DNAH9: variants seen among roughly 807,000 people sequenced by gnomAD.
The protein encoded by DNAH9 is dynein axonemal heavy chain 9.
Under a neutral mutation model 471.6 loss-of-function variants are expected in DNAH9, and 345 were observed. The observed-to-expected ratio is 0.73, with a 90% CI of 0.67 to 0.80. The LOEUF (loss-of-function observed/expected upper bound fraction) is 0.80. Ranked by LOEUF, DNAH9 falls within the 30% of genes least tolerant of loss-of-function variation. The probability of loss-of-function intolerance (pLI) is 0.00; values close to 1 mark genes in which losing one functional copy is unlikely to be tolerated. For synonymous variants in DNAH9, 2,093 were observed against 2,123.6 expected (o/e 0.99, Z 0.40); for missense variants, 5,407 against 5,609.2 (o/e 0.96, Z 1.15).
At chr17:11,865,270 C>T (rs901366458) in intron 50 of DNAH9, among the ~76,000 whole-genome samples, 7 of 152,064 alleles carry the variant, frequency 4.6e-5, no homozygotes, top group African/African-American at 1.7e-4. Context: ...ATTTCTCCTT[C>T]ACTTATGAAG....
At chr17:11,836,849 CT>C (rs1970864995) in intron 49 of DNAH9, among the ~76,000 whole-genome samples, 1 of 152,204 alleles carries the variant, frequency 6.6e-6, no homozygotes, top group Non-Finnish European at 1.5e-5. Context: ...TTCATAAGTT[CT>C]TTTCATACAG....
chr17:11,623,933 G>C lies in DNAH9; in HGVS notation c.1350+4152G>C, dbSNP rs1018588388. ...TTTTTGCACAAGAGAATTTTGTTGT[G>C]CACATCCACTCTTCCTCTCTGGGTG... On this transcript the variant is annotated intron_variant, in intron 6 of 68. Coordinates refer to ENST00000262442, the MANE Select transcript of DNAH9 (RefSeq NM_001372.4). The surrounding 1 kb of genome is among the most constrained non-coding windows in gnomAD (Gnocchi z 4.1). Among the ~76,000 whole-genome samples the C allele has an allele frequency of 6.6e-6, 1 of 152,058 alleles. No individual in the cohort carries two copies. The highest frequency in any genetic ancestry group is 1.5e-5 in the Non-Finnish European group (1 of 68,016).
intron 57 of DNAH9, among the ~76,000 whole-genome samples, chr17:11,888,608 G>A (rs1972955486): frequency 6.6e-6 from 1 of 152,180 alleles, no homozygotes; most frequent in Non-Finnish European, 1.5e-5. Flanking sequence ...AGGGGAGATG[G>A]AGTTTGGGTC....
At chr17:11,956,675 C>T (rs913616512) in intron 67 of DNAH9, among the ~76,000 whole-genome samples, 3 of 151,814 alleles carry the variant, frequency 2.0e-5, no homozygotes, top group African/African-American at 7.3e-5. Flanking sequence ...TATCAGAAAA[C>T]CCACAAGTAT....
chr17:11,830,864 T>C (rs1340279173), intron 48 of DNAH9, among the ~76,000 whole-genome samples: 6 of 152,166 alleles, frequency 3.9e-5, no homozygotes, highest in Non-Finnish European at 8.8e-5. Flanking sequence ...ACTTGGATAC[T>C]CTCGTTGGCC....
chr17:11,654,708 C>T (rs1420303497), intron 14 of DNAH9, among the ~76,000 whole-genome samples: 1 of 151,940 alleles, frequency 6.6e-6, no homozygotes, highest in South Asian at 2.1e-4. Context: ...CTAGTATCTA[C>T]TATACACTAC....
intron 50 of DNAH9, among the ~76,000 whole-genome samples, chr17:11,860,840 GGTGAGCCACT>G (rs1567855548): frequency 6.6e-6 from 1 of 151,908 alleles, no homozygotes; most frequent in African/African-American, 2.4e-5. Context: ...GGATTACAGG[GGTGAGCCACT>G]GCGCCCTGCC....
intron 44 of DNAH9, 63 bp downstream of exon 44, chr17:11,807,957 C>T: frequency 6.6e-7 from 1 of 1,522,830 alleles, no homozygotes; most frequent in Non-Finnish European, 8.9e-7. Flanking sequence ...ACAGTTCCAT[C>T]ATCCTTCACT....
At chr17:11,918,123 GC>G (rs1974013764) in intron 61 of DNAH9, among the ~76,000 whole-genome samples, 1 of 152,192 alleles carries the variant, frequency 6.6e-6, no homozygotes, top group African/African-American at 2.4e-5. Flanking sequence ...TGTCTTTGCA[GC>G]CAGATTCTCG....
In DNAH9 at chr17:11,647,239, A is replaced by G. The variant is rs115232585; in HGVS notation, c.2097+41A>G. On this transcript the variant is annotated intron_variant, in intron 12 of 68. Coordinates refer to ENST00000262442, the MANE Select transcript of DNAH9 (RefSeq NM_001372.4). ...GTAGCTCTCTTTTGGGTTCCTGAAG[A>G]GTTTCTTTGAACTCTGCTGATTTCA... 5.0e-4 allele frequency: 802 copies of G among 1,593,588 alleles called. 3 individuals are homozygous for G. In the African/African-American group the frequency reaches 7.3e-3, roughly 14 times the overall value.
At chr17:11,654,374 A>AAAAAAAAAAAAAAAAAAAAAG (rs1353333314) in intron 14 of DNAH9, among the ~76,000 whole-genome samples, 21 of 57,742 alleles carry the variant, frequency 3.6e-4, no homozygotes, top group Non-Finnish European at 7.0e-4. Context: ...AAAAAAAAAA[A>AAAAAAAAAAAAAAAAAAAAAG]AAAAGTTTAA....
At chr17:11,895,872 A>G (rs1973201298) in intron 59 of DNAH9, among the ~76,000 whole-genome samples, 1 of 152,244 alleles carries the variant, frequency 6.6e-6, no homozygotes, top group African/African-American at 2.4e-5. Flanking sequence ...ACTAAAACCT[A>G]GAACTTAATT....
At chr17:11,933,146 C>T (rs1345562593) in intron 64 of DNAH9, among the ~76,000 whole-genome samples, 1 of 152,120 alleles carries the variant, frequency 6.6e-6, no homozygotes, top group Non-Finnish European at 1.5e-5. Context: ...TTGTTTATTC[C>T]CTTTGAACTT....
chr17:11,868,108 C>G (rs548424762), intron 50 of DNAH9, among the ~76,000 whole-genome samples: 1 of 152,198 alleles, frequency 6.6e-6, no homozygotes, highest in African/African-American at 2.4e-5. Flanking sequence ...CTCCCTCACC[C>G]TCCAAATGGC....
Position 11,834,860 on chromosome 17 carries a change from C to A in DNAH9, c.9469C>A (p.Leu3157Ile), listed in dbSNP as rs138685018. The A allele has an allele frequency of 3.2e-5, 52 of 1,613,650 alleles. No homozygotes were observed. In the African/African-American group the frequency reaches 6.3e-4, roughly 19 times the overall value. ...EEDLAKAEPA[L>I]TAAQAALNTL... is the part of the protein sequence containing the mutation. ...GGACCTGGCAAAGGCTGAGCCAGCA[C>A]TCACAGCAGCGCAGGCAGCTCTCAA... The change falls in exon 49 of 69, where the codon CTC (leucine) becomes ATC (isoleucine). Residue 3157 changes from leucine to isoleucine, a missense_variant. Physicochemically the swap from Leu to Ile is conservative, Grantham distance 5 (BLOSUM62 2). Around this residue, in one of 3 missense-constraint regions of DNAH9, gnomAD observed 4,636 missense variants for 4,900.3 expected, o/e 0.95. Transcript: ENST00000262442.
chr17:11,669,036 T>C lies in DNAH9; in HGVS notation c.2732-28T>C, dbSNP rs753751164. 5.2e-6 allele frequency: 8 copies of C among 1,530,320 alleles called. No homozygotes were observed. The Admixed American group carries it at 5.3e-5, about 10-fold the overall frequency. 94.8% of individuals were successfully genotyped at this position (1,530,320 alleles called of 1,614,324 possible). On this transcript the variant is annotated intron_variant, in intron 15 of 68. Transcript: ENST00000262442. ...TTGTCCATTTTATCCACTCTTTGTT[T>C]TGTTTGCTTGTTTTCTGTGTTTTTC...
At chr17:11,738,846 T>G (rs987432982) in intron 28 of DNAH9, 34 bp from the exon 29 acceptor site, 1 of 1,606,096 alleles carries the variant, frequency 6.2e-7, no homozygotes, top group African/African-American at 1.3e-5. Context: ...AAAAGGCAAT[T>G]GAGGAATTTC....
intron 4 of DNAH9, among the ~76,000 whole-genome samples, 190 bp from the exon 5 acceptor site, chr17:11,617,221 T>G (rs1479334081): frequency 6.6e-6 from 1 of 152,146 alleles, no homozygotes; most frequent in Non-Finnish European, 1.5e-5. Flanking sequence ...ACAGAACTCT[T>G]CAGATCATTA....
rs377395295 is a variant in DNAH9, at chr17:11,913,558, G to A, written c.11749+7749G>A. Among the ~76,000 whole-genome samples the A allele has an allele frequency of 4.8e-3, 735 of 152,148 alleles. 8 individuals carry two copies. Among genetic ancestry groups the A allele is most frequent in the African/African-American group, 0.016 (679 of 41,514 alleles). Reference sequence around the variant, plus strand: ...AGCACTTTGGGAGGCCGAGGCGAGCGGATCACGAGGTCAGGAGATCGAGAC... The same window carrying A: ...AGCACTTTGGGAGGCCGAGGCGAGCAGATCACGAGGTCAGGAGATCGAGAC... On this transcript the variant is annotated intron_variant, in intron 61 of 68. Coordinates refer to ENST00000262442, the MANE Select transcript of DNAH9 (RefSeq NM_001372.4).
Sources: gnomAD v4.1 joint callset for allele counts (sites outside exome capture counted in the v4.1 genomes callset) on GRCh38, gnomAD v4.1.1 for gene constraint, gnomAD v4.1.1 regional missense constraint, Gnocchi (gnomAD v3.1) non-coding constraint, MANE v1.5 for transcripts, NCBI Gene and HGNC (gene_info 2026-07-23, HGNC 2026-07-21) for gene names.